Variants in PPP3CA observed in about 807,000 individuals in gnomAD.
PPP3CA encodes CAM-PRP catalytic subunit.
Under a neutral mutation model 66.5 loss-of-function variants are expected in PPP3CA, and 14 were observed. The ratio of observed to expected loss-of-function variants is 0.21; its 90% confidence interval spans 0.14 to 0.33. The LOEUF is 0.33. Among genes scored for constraint, PPP3CA ranks in the 10% least tolerant of loss-of-function variants. The probability of loss-of-function intolerance (pLI) is 1.00; values close to 1 mark genes in which losing one functional copy is unlikely to be tolerated. For synonymous variants in PPP3CA, 232 were observed against 226.2 expected (o/e 1.03, Z -0.23); for missense variants, 317 against 639.5 (o/e 0.50, Z 5.44).
intron 1 of PPP3CA, among the ~76,000 whole-genome samples, chr4:101,239,345 G>T (rs2659531): frequency 0.11 from 16,935 of 152,026 alleles, 1,361 homozygotes; most frequent in East Asian, 0.31. Context: ...ACTCCCTTTT[G>T]CTTTCTCAGT....
chr4:101,097,124 T>C (rs1560599917), intron 5 of PPP3CA, among the ~76,000 whole-genome samples: 1 of 152,124 alleles, frequency 6.6e-6, no homozygotes, highest in Non-Finnish European at 1.5e-5. Flanking sequence ...CATCACTTAT[T>C]TGAAGCCAAA....
intron 6 of PPP3CA, among the ~76,000 whole-genome samples, chr4:101,087,667 C>T (rs1729729915): frequency 6.6e-6 from 1 of 152,152 alleles, no homozygotes; most frequent in Admixed American, 6.5e-5. Context: ...TTCTCATTTG[C>T]TGTATTTAGT....
At chr4:101,205,711 A>G (rs1233225154) in intron 1 of PPP3CA, among the ~76,000 whole-genome samples, 1 of 152,214 alleles carries the variant, frequency 6.6e-6, no homozygotes, top group East Asian at 1.9e-4. Context: ...CATCAAAATC[A>G]TTTTATTTAA....
At chr4:101,324,886 A>T (rs572592679) in intron 1 of PPP3CA, among the ~76,000 whole-genome samples, 1 of 152,316 alleles carries the variant, frequency 6.6e-6, no homozygotes, top group African/African-American at 2.4e-5. Context: ...CATCATTTTC[A>T]ATATATGATT....
chr4:101,270,457 T>G (rs1210459862), intron 1 of PPP3CA, among the ~76,000 whole-genome samples: 2 of 152,144 alleles, frequency 1.3e-5, no homozygotes, highest in Non-Finnish European at 2.9e-5. Flanking sequence ...AAAATATGTT[T>G]AAAGACACAA....
intron 12 of PPP3CA, among the ~76,000 whole-genome samples, chr4:101,029,810 T>C (rs1417109911): frequency 1.3e-5 from 2 of 149,196 alleles, no homozygotes; most frequent in Admixed American, 1.4e-4. Flanking sequence ...TTACTAGATC[T>C]GGGGGTCGGT....
intron 1 of PPP3CA, among the ~76,000 whole-genome samples, chr4:101,309,131 CAAT>C (rs1038337574): frequency 1.3e-5 from 2 of 151,972 alleles, no homozygotes; most frequent in African/African-American, 4.8e-5. Context: ...GTCTCAAAAA[CAAT>C]AATAATAATC....
At chr4:101,250,901 C>G (rs1726653350) in intron 1 of PPP3CA, among the ~76,000 whole-genome samples, 1 of 151,844 alleles carries the variant, frequency 6.6e-6, no homozygotes, top group Admixed American at 6.6e-5. Flanking sequence ...CTGTGATTAC[C>G]AAGGGGCTCT....
chr4:101,040,171 G>C (rs1359926867), intron 11 of PPP3CA, among the ~76,000 whole-genome samples: 1 of 152,028 alleles, frequency 6.6e-6, no homozygotes. Flanking sequence ...AATTACAATA[G>C]CTTTTCCTGT....
chr4:101,036,921 A>G (rs1727279112), intron 11 of PPP3CA, among the ~76,000 whole-genome samples: 1 of 152,206 alleles, frequency 6.6e-6, no homozygotes, highest in South Asian at 2.1e-4. Flanking sequence ...ATATTCTGGA[A>G]TACTTCCTCT....
At chr4:101,245,199 C>T (rs1726439319) in intron 1 of PPP3CA, among the ~76,000 whole-genome samples, 1 of 152,136 alleles carries the variant, frequency 6.6e-6, no homozygotes, top group Non-Finnish European at 1.5e-5. Flanking sequence ...CAACATGGAA[C>T]TGCTGGATAG....
chr4:101,153,308 A>G (rs964948372), intron 2 of PPP3CA, among the ~76,000 whole-genome samples: 12 of 152,340 alleles, frequency 7.9e-5, no homozygotes, highest in Admixed American at 7.8e-4. Context: ...TAAAGAAAGC[A>G]TGACATTATA....
intron 1 of PPP3CA, among the ~76,000 whole-genome samples, chr4:101,294,159 G>A (rs974696238): frequency 3.3e-5 from 5 of 152,220 alleles, no homozygotes; most frequent in African/African-American, 9.6e-5. Context: ...TGGAGATGGT[G>A]GCTGAGGTCA....
chr4:101,083,553 TA>T (rs1729532155), intron 6 of PPP3CA, among the ~76,000 whole-genome samples: 1 of 152,196 alleles, frequency 6.6e-6, no homozygotes, highest in South Asian at 2.1e-4. Flanking sequence ...AATAAATTTT[TA>T]AAAGTCTACA....
In PPP3CA at chr4:101,098,466, G is replaced by T; in HGVS notation, c.543C>A (p.Ala181=). The change falls in exon 5 of 14, where the codon GCC becomes GCA. Residue 181 remains alanine (A), a synonymous_variant. Coordinates refer to ENST00000394854, the MANE Select transcript of PPP3CA (RefSeq NM_000944.5). The part of the protein sequence containing the change: ...SERVYDACMD[A]FDCLPLAALM... ...GGGCAGCCAGGGGAAGGCAGTCAAA[G>T]GCATCCATACAGGCATCATATACGC... 1 of 1,612,024 alleles carries T rather than the reference G, an allele frequency of 6.2e-7. No homozygotes were observed. Among genetic ancestry groups the T allele is most frequent in the Non-Finnish European group, 8.5e-7 (1 of 1,178,862 alleles).
intron 2 of PPP3CA, among the ~76,000 whole-genome samples, chr4:101,164,239 C>T (rs529918703): frequency 1.4e-5 from 2 of 144,008 alleles, no homozygotes; most frequent in East Asian, 2.2e-4. Context: ...CTCCCTTATC[C>T]CACCCCATAC....
At chr4:101,324,215 A>AAGGAG (rs1553942019) in intron 1 of PPP3CA, among the ~76,000 whole-genome samples, 6 of 139,842 alleles carry the variant, frequency 4.3e-5, no homozygotes, top group Non-Finnish European at 7.8e-5. Flanking sequence ...GAAGGAAGGA[A>AAGGAG]GGAAGGAAAG....
In PPP3CA at chr4:101,249,178, A is replaced by C. The variant is rs1215500755; in HGVS notation, c.59-53062T>G. Among the ~76,000 whole-genome samples the C allele has an allele frequency of 2.7e-5, 4 of 150,560 alleles. No individual in the cohort carries two copies. In the South Asian group the frequency reaches 8.3e-4, roughly 31 times the overall value. On this transcript the variant is annotated intron_variant, in intron 1 of 13. Transcript: ENST00000394854. ...CGAGACTCTGTCTCAAAAAAAAAAA[A>C]ACCAAAAAACAAATTACTGCTTTTG...
chr4:101,204,081 C>T (rs1725050913), intron 1 of PPP3CA, among the ~76,000 whole-genome samples: 1 of 152,056 alleles, frequency 6.6e-6, no homozygotes, highest in African/African-American at 2.4e-5. Flanking sequence ...GCAATCCTCC[C>T]ACCTCAGTCA....
Sources: allele counts gnomAD v4.1 joint callset (sites outside exome capture counted in the v4.1 genomes callset), GRCh38; gene constraint gnomAD v4.1.1; transcripts MANE v1.5; gene names NCBI Gene and HGNC (gene_info 2026-07-23, HGNC 2026-07-21).